TAOK3: variants seen among roughly 807,000 people sequenced by gnomAD.
TAOK3 encodes the protein serine/threonine-protein kinase TAO3.
In TAOK3, 40 loss-of-function variants were observed where a neutral mutation model predicts 120.4. The observed-to-expected ratio is 0.33, with a 90% CI of 0.26 to 0.43. The LOEUF (loss-of-function observed/expected upper bound fraction) is 0.43, where lower values mean the gene tolerates loss of function less well. Ranked by LOEUF, TAOK3 falls within the 20% of genes least tolerant of loss-of-function variation. The pLI is 1.00. For synonymous variants in TAOK3, 355 were observed against 387.5 expected, an observed-to-expected ratio of 0.92 and a Z score of 0.99; for missense variants, 821 against 1,112.1, an observed-to-expected ratio of 0.74 and a Z score of 3.72.
At chr12:118,234,487 AC>A (rs573921180) in intron 8 of TAOK3, among the ~76,000 whole-genome samples, 177 of 151,982 alleles carry the variant, frequency 1.2e-3, no homozygotes, top group African/African-American at 4.1e-3. Context: ...CTCGTGATCC[AC>A]CCGCCTCGGA....
At chr12:118,249,808 G>A (rs1233462931) in intron 3 of TAOK3, among the ~76,000 whole-genome samples, 1 of 152,006 alleles carries the variant, frequency 6.6e-6, no homozygotes, top group Admixed American at 6.6e-5. Flanking sequence ...CTCCAGCTTG[G>A]GTGACAGAGT....
chr12:118,361,047 C>T (rs911347666), intron 1 of TAOK3, among the ~76,000 whole-genome samples: 1 of 152,154 alleles, frequency 6.6e-6, no homozygotes. Flanking sequence ...CTTGTATATG[C>T]AGAAAACTGA....
chr12:118,198,871 C>T, intron 13 of TAOK3, 180 bp downstream of exon 13: 2 of 610,928 alleles, frequency 3.3e-6, no homozygotes, highest in Non-Finnish European at 5.8e-6. Context: ...GAAATAGGCA[C>T]AGATGTAGCC....
chr12:118,323,619 AC>A (rs1011588863), intron 1 of TAOK3, among the ~76,000 whole-genome samples: 41 of 152,302 alleles, frequency 2.7e-4, no homozygotes, highest in African/African-American at 9.9e-4. Flanking sequence ...GGTGCAGAGA[AC>A]AACAGTTTAG....
chr12:118,313,980 C>T (rs1049774968), intron 1 of TAOK3, among the ~76,000 whole-genome samples: 1 of 152,124 alleles, frequency 6.6e-6, no homozygotes, highest in African/African-American at 2.4e-5. Flanking sequence ...TAATATAATG[C>T]AAGAGCCCAC....
intron 14 of TAOK3, among the ~76,000 whole-genome samples, chr12:118,188,874 G>A (rs1021026614): frequency 6.6e-6 from 1 of 152,174 alleles, no homozygotes; most frequent in Admixed American, 6.5e-5. Flanking sequence ...GTGAGATTCA[G>A]AAGCAAAAGA....
At chr12:118,343,957 A>G (rs1433339454) in intron 1 of TAOK3, among the ~76,000 whole-genome samples, 1 of 151,360 alleles carries the variant, frequency 6.6e-6, no homozygotes, top group Non-Finnish European at 1.5e-5. Context: ...GCTTGCAGTG[A>G]GCTGAGATGG....
At chr12:118,297,292 A>C (rs2042720156) in intron 1 of TAOK3, 1 of 152,240 alleles carries the variant, frequency 6.6e-6, no homozygotes, top group African/African-American at 2.4e-5. Context: ...GAGATATACT[A>C]TGACAACTAT....
At chr12:118,267,510 C>T (rs1189641395) in intron 1 of TAOK3, among the ~76,000 whole-genome samples, 4 of 150,128 alleles carry the variant, frequency 2.7e-5, no homozygotes, top group South Asian at 2.1e-4. Context: ...CCACCGCGCC[C>T]GGCTGGAGTG....
intron 19 of TAOK3, among the ~76,000 whole-genome samples, chr12:118,159,381 G>A (rs567689641): frequency 6.6e-6 from 1 of 150,682 alleles, no homozygotes; most frequent in South Asian, 2.1e-4. Context: ...TGTGATCTCA[G>A]CTCACTGCAA....
intron 1 of TAOK3, among the ~76,000 whole-genome samples, chr12:118,309,325 T>A (rs1471674950): frequency 2.1e-4 from 19 of 89,242 alleles, no homozygotes; most frequent in African/African-American, 8.9e-4. Flanking sequence ...TGAGACTGTC[T>A]CCAAAAAAAA....
intron 9 of TAOK3, among the ~76,000 whole-genome samples, chr12:118,215,862 G>A (rs1780035110): frequency 1.3e-5 from 2 of 151,992 alleles, no homozygotes; most frequent in Admixed American, 1.3e-4. Flanking sequence ...GAGACTACAG[G>A]TGTGTGCCAC....
intron 1 of TAOK3, among the ~76,000 whole-genome samples, chr12:118,335,963 AAG>A (rs1162187863): frequency 1.3e-5 from 2 of 152,240 alleles, no homozygotes; most frequent in Non-Finnish European, 2.9e-5. Flanking sequence ...TAAGTAAATG[AAG>A]AGACATACCA....
chr12:118,251,499 A>C lies in TAOK3; in HGVS notation c.120+3949T>G, dbSNP rs532977230. 2.0e-5 allele frequency among the ~76,000 whole-genome samples: 3 copies of C among 152,314 alleles called. No individual in the cohort carries two copies. The East Asian group carries it at 5.8e-4, about 29-fold the overall frequency. On this transcript the variant is annotated intron_variant, in intron 3 of 20. Coordinates refer to ENST00000392533, the MANE Select transcript of TAOK3 (RefSeq NM_016281.4). ...ATAGAGTTAATGATTACGTTTATCA[A>C]TGCCACTCTGCTACCTGTATCATTT...
intron 14 of TAOK3, among the ~76,000 whole-genome samples, chr12:118,186,172 T>A (rs954492612): frequency 1.3e-5 from 2 of 152,198 alleles, no homozygotes; most frequent in Non-Finnish European, 2.9e-5. Flanking sequence ...TATATTTGCA[T>A]GAATAGAACA....
intron 17 of TAOK3, among the ~76,000 whole-genome samples, chr12:118,169,743 C>T (rs545911860): frequency 3.3e-5 from 5 of 151,488 alleles, no homozygotes; most frequent in East Asian, 1.9e-4. Context: ...TTTTTTGAGA[C>T]GGAGTCTCCC....
intron 20 of TAOK3, 77 bp from the exon 21 acceptor site, chr12:118,151,235 G>T: frequency 2.0e-6 from 3 of 1,479,784 alleles, no homozygotes; most frequent in Non-Finnish European, 2.8e-6. Context: ...ACACCCATAG[G>T]CACACATATG....
intron 1 of TAOK3, among the ~76,000 whole-genome samples, chr12:118,283,233 A>C (rs1258964345): frequency 6.6e-6 from 1 of 152,204 alleles, no homozygotes; most frequent in Non-Finnish European, 1.5e-5. Flanking sequence ...ATATTGTGTT[A>C]GGTGCTGAAA....
chr12:118,235,990 A>G (rs1476710002), intron 7 of TAOK3: 1 of 219,686 alleles, frequency 4.6e-6, no homozygotes, highest in African/African-American at 2.3e-5. Flanking sequence ...TTACAAAGGC[A>G]TATTCTTAAA....
Sources: allele counts gnomAD v4.1 joint callset (sites outside exome capture counted in the v4.1 genomes callset), GRCh38; gene constraint gnomAD v4.1.1; transcripts MANE v1.5; gene names NCBI Gene and HGNC (gene_info 2026-07-23, HGNC 2026-07-21).